The following SLCO3A1 variants were observed in gnomAD, a reference collection of about 807,000 sequenced individuals.
The protein encoded by SLCO3A1 is solute carrier organic anion transporter family member 3A1.
Under a neutral mutation model 63.1 loss-of-function variants are expected in SLCO3A1, and 27 were observed. The ratio of observed to expected loss-of-function variants is 0.43; its 90% CI spans 0.32 to 0.59. SLCO3A1 has a LOEUF of 0.59. SLCO3A1 is among the 20% of genes least tolerant of loss of function. SLCO3A1 has a pLI of 0.09. For missense variants in SLCO3A1, 773 were observed against 945.8 expected (o/e 0.82, Z 2.40); for synonymous variants, 473 against 409.9 (o/e 1.15, Z -1.86).
At chr15:91,978,900 A>C (rs781775176) in intron 2 of SLCO3A1, among the ~76,000 whole-genome samples, 5 of 152,220 alleles carry the variant, frequency 3.3e-5, no homozygotes. Flanking sequence ...AAGTTTGCCA[A>C]CCTCTGGTCT....
chr15:92,037,518 A>C (rs2046743380), intron 2 of SLCO3A1, among the ~76,000 whole-genome samples: 1 of 152,204 alleles, frequency 6.6e-6, no homozygotes, highest in South Asian at 2.1e-4. Context: ...CTAAACCTAG[A>C]ACTTATTTCA....
intron 1 of SLCO3A1, among the ~76,000 whole-genome samples, chr15:91,898,321 T>C (rs1014912780): frequency 3.9e-5 from 6 of 152,196 alleles, no homozygotes; most frequent in African/African-American, 1.4e-4. Context: ...TTCCAGAGAG[T>C]GCATTTCCTT....
At chr15:92,140,575 G>T (rs577515252) in intron 7 of SLCO3A1, among the ~76,000 whole-genome samples, 2 of 152,216 alleles carry the variant, frequency 1.3e-5, no homozygotes, top group East Asian at 1.9e-4. Flanking sequence ...GTTGACAGTG[G>T]GGTGTTACAA....
intron 9 of SLCO3A1, among the ~76,000 whole-genome samples, chr15:92,151,495 T>G (rs1306099588): frequency 6.6e-6 from 1 of 152,204 alleles, no homozygotes; most frequent in East Asian, 1.9e-4. Flanking sequence ...GTGACCTTCA[T>G]GCTATAGGGC....
At chr15:91,915,818 CT>C (rs1447490826) in intron 1 of SLCO3A1, among the ~76,000 whole-genome samples, 174 bp from the exon 2 acceptor site, 1 of 152,160 alleles carries the variant, frequency 6.6e-6, no homozygotes, top group Non-Finnish European at 1.5e-5. Flanking sequence ...AAATAAACGT[CT>C]TTCTGATTCG....
At chr15:91,921,411 A>G (rs1293281663) in intron 2 of SLCO3A1, among the ~76,000 whole-genome samples, 1 of 152,212 alleles carries the variant, frequency 6.6e-6, no homozygotes. Flanking sequence ...GGGAAGGAAC[A>G]CTATTCAGCC....
At chr15:92,061,786 C>A (rs574536299) in intron 2 of SLCO3A1, among the ~76,000 whole-genome samples, 1 of 149,346 alleles carries the variant, frequency 6.7e-6, no homozygotes, top group African/African-American at 2.4e-5. Flanking sequence ...CCTAGGCAAC[C>A]CATCACCCTG....
intron 2 of SLCO3A1, among the ~76,000 whole-genome samples, chr15:92,071,458 C>T (rs1461102923): frequency 6.6e-6 from 1 of 152,244 alleles, no homozygotes; most frequent in Non-Finnish European, 1.5e-5. Context: ...GCTGTAGTCA[C>T]TTCCCTTTTT....
At chr15:92,155,132 C>A (rs759865270) in intron 9 of SLCO3A1, 1 of 152,148 alleles carries the variant, frequency 6.6e-6, no homozygotes, top group Non-Finnish European at 1.5e-5. Context: ...GTAAACTGAA[C>A]GATCTACTCA....
chr15:92,025,448 T>TTGCTGC (rs1201898530), intron 2 of SLCO3A1, among the ~76,000 whole-genome samples: 1 of 152,194 alleles, frequency 6.6e-6, no homozygotes, highest in African/African-American at 2.4e-5. Flanking sequence ...GCTGCTGCTC[T>TTGCTGC]TGCTGCTGCT....
intron 6 of SLCO3A1, 40 bp downstream of exon 6, chr15:92,126,299 G>A (rs1484228045): frequency 3.8e-6 from 6 of 1,565,006 alleles, no homozygotes; most frequent in Non-Finnish European, 4.4e-6. Flanking sequence ...TGCCTGTTCA[G>A]GGACCCTAGC....
chr15:91,963,836 G>C (rs548081738), intron 2 of SLCO3A1, among the ~76,000 whole-genome samples: 1 of 152,184 alleles, frequency 6.6e-6, no homozygotes, highest in South Asian at 2.1e-4. Context: ...ATTGTGAAGA[G>C]CGAAAGAACA....
chr15:91,940,646 C>T (rs1415670639), intron 2 of SLCO3A1, among the ~76,000 whole-genome samples: 2 of 152,182 alleles, frequency 1.3e-5, no homozygotes, highest in Non-Finnish European at 2.9e-5. Flanking sequence ...CCCTGACACA[C>T]ACTCACATGC....
At chr15:92,161,412 G>A (rs1296392406) in intron 9 of SLCO3A1, among the ~76,000 whole-genome samples, 2 of 152,140 alleles carry the variant, frequency 1.3e-5, no homozygotes, top group African/African-American at 4.8e-5. Context: ...TCGGATAACA[G>A]CAGGCAAAGA....
At chr15:91,972,520 T>G (rs1039700318) in intron 2 of SLCO3A1, among the ~76,000 whole-genome samples, 8 of 152,186 alleles carry the variant, frequency 5.3e-5, no homozygotes, top group Non-Finnish European at 1.2e-4. Flanking sequence ...GCGCCTTCTT[T>G]TGGACTTCTA....
intron 2 of SLCO3A1, among the ~76,000 whole-genome samples, chr15:92,005,068 T>G (rs1303547613): frequency 2.6e-5 from 4 of 152,238 alleles, no homozygotes; most frequent in Non-Finnish European, 5.9e-5. Context: ...AATGAAAAGA[T>G]TTATGATATT....
At chr15:91,995,716 C>T (rs1248383385) in intron 2 of SLCO3A1, among the ~76,000 whole-genome samples, 1 of 133,958 alleles carries the variant, frequency 7.5e-6, no homozygotes, top group African/African-American at 2.9e-5. Context: ...GTTATACATA[C>T]CTTGAAAGAT....
chr15:92,105,937 T>C (rs1173762996), intron 4 of SLCO3A1, among the ~76,000 whole-genome samples: 1 of 152,236 alleles, frequency 6.6e-6, no homozygotes, highest in East Asian at 1.9e-4. Context: ...TGCTAGAGAT[T>C]TGTGGAGAGA....
chr15:92,171,880 T>G, exon 11 of SLCO3A1: 1 of 1,542,366 alleles, frequency 6.5e-7, no homozygotes, highest in Non-Finnish European at 8.8e-7. Context: ...GCCCTCTTCC[T>G]CTTCCTGGAG....
Sources: gnomAD v4.1 joint callset for allele counts (sites outside exome capture counted in the v4.1 genomes callset) on GRCh38, gnomAD v4.1.1 for gene constraint, MANE v1.5 for transcripts, NCBI Gene and HGNC (gene_info 2026-07-23, HGNC 2026-07-21) for gene names.